Variants in BPTF observed in about 807,000 individuals in gnomAD.
BPTF encodes bromodomain PHD finger transcription factor.
Under a neutral mutation model 292.5 loss-of-function variants are expected in BPTF, and 18 were observed. The ratio of observed to expected loss-of-function variants is 0.06; its 90% CI spans 0.04 to 0.09. The LOEUF is 0.09. Among genes scored for constraint, BPTF ranks in the 10% least tolerant of loss-of-function variants. The pLI is 1.00. For synonymous variants in BPTF, 1,225 were observed against 1,251.9 expected (o/e 0.98, Z 0.45); for missense variants, 2,726 against 3,498.7 (o/e 0.78, Z 5.57).
At chr17:67,976,697 AAAAAAAAAAAAAAAAAAAT>A (rs1178388992) in intron 27 of BPTF, among the ~76,000 whole-genome samples, 1 of 128,388 alleles carries the variant, frequency 7.8e-6, no homozygotes, top group Non-Finnish European at 1.6e-5. Flanking sequence ...AAAAAAAAAA[AAAAAAAAAAAAAAAAAAAT>A]AAGAATAAAA....
At chr17:67,889,045 A>G (rs1017881017) in intron 4 of BPTF, among the ~76,000 whole-genome samples, 27 of 152,170 alleles carry the variant, frequency 1.8e-4, no homozygotes, top group African/African-American at 5.1e-4. Flanking sequence ...TAGTAGGCCA[A>G]TAGTCCTAGT....
chr17:67,828,097 A>T (rs1157995544), intron 1 of BPTF, among the ~76,000 whole-genome samples: 1 of 151,830 alleles, frequency 6.6e-6, no homozygotes, highest in East Asian at 1.9e-4. Context: ...ACACCCGGCT[A>T]ATTTTTGTAT....
chr17:67,911,811 G>T lies in BPTF; in HGVS notation c.3927G>T (p.Gln1309His). 1 of 1,614,158 alleles carries T rather than the reference G, an allele frequency of 6.2e-7. No individual in the cohort carries two copies. The highest frequency in any genetic ancestry group is 1.1e-5 in the South Asian group (1 of 91,074). The change falls in exon 11 of 28, where the codon CAG (glutamine) becomes CAT (histidine). Residue 1309 changes from glutamine (Q) to histidine (H), a missense_variant. Physicochemically the swap from Gln to His is conservative, Grantham distance 24. This residue lies in a region of BPTF where 713 missense variants were observed against 714.9 expected (regional missense o/e 1.00). Transcript: ENST00000306378. ...QDSSEEDMIV[Q>H]NSNESISEQF... ...GCAGTGAAGAAGATATGATTGTTCAGAATAGCAATGAAAGCATTTCTGAAC... is the reference window on the plus strand; with the variant it reads ...GCAGTGAAGAAGATATGATTGTTCATAATAGCAATGAAAGCATTTCTGAAC...
At position 67,959,741 on chromosome 17, in the gene BPTF, G is replaced by A. The variant is rs782136149; in HGVS notation, c.8127G>A (p.Gln2709=). 4 of 1,610,370 alleles carry A rather than the reference G, an allele frequency of 2.5e-6. No homozygotes were observed. In the East Asian group the frequency reaches 8.9e-5, roughly 36 times the overall value. The change falls in exon 24 of 28, where the codon CAG becomes CAA. Residue 2709 remains glutamine, a synonymous_variant. Transcript: ENST00000306378. ...CGCCCACCTTACCTGCTGCTTCCCA[G>A]AAGAGGAAGCGGGAAGAGGAAAAAG... ...LSTPTLPAAS[Q]KRKREEEKDS... is the part of the protein sequence containing the mutation.
Position 67,850,891 on chromosome 17 carries a change from GAC to G in BPTF, c.614-3039_614-3038del, listed in dbSNP as rs546815459. Among the ~76,000 whole-genome samples, 30 of 152,242 alleles carry G rather than the reference GAC, an allele frequency of 2.0e-4. No individual in the cohort carries two copies. The East Asian group carries it at 5.8e-3, about 29-fold the overall frequency. On this transcript the variant is annotated intron_variant, in intron 1 of 27. Transcript: ENST00000306378. ...GGAAACATGCTAGGGGAGAAGAAAA[GAC>G]ACACACACAATACCTTTAAGGGTAA...
At chr17:67,921,304 C>G (rs1442483540) in intron 13 of BPTF, among the ~76,000 whole-genome samples, 3 of 150,750 alleles carry the variant, frequency 2.0e-5, no homozygotes, top group Non-Finnish European at 4.4e-5. Context: ...GCGGGCAGAT[C>G]ACTTGAGATC....
intron 1 of BPTF, among the ~76,000 whole-genome samples, chr17:67,842,383 A>G (rs1411612569): frequency 1.3e-5 from 2 of 152,150 alleles, no homozygotes; most frequent in Non-Finnish European, 2.9e-5. Flanking sequence ...TACATGTGAT[A>G]GTCCTCAGCA....
intron 26 of BPTF, among the ~76,000 whole-genome samples, 183 bp downstream of exon 26, chr17:67,966,839 C>T (rs1278766966): frequency 3.3e-5 from 5 of 152,178 alleles, no homozygotes; most frequent in East Asian, 1.9e-4. Context: ...CGGTGGCTCA[C>T]GCCTGTAATC....
intron 26 of BPTF, 115 bp from the exon 27 acceptor site, chr17:67,975,657 C>T: frequency 1.2e-6 from 1 of 858,960 alleles, no homozygotes; most frequent in Non-Finnish European, 1.7e-6. Flanking sequence ...GGTGAACCAG[C>T]CTGGCTCCAG....
At chr17:67,862,813 C>CTTTT (rs11325305) in intron 2 of BPTF, among the ~76,000 whole-genome samples, 1 of 129,788 alleles carries the variant, frequency 7.7e-6, no homozygotes, top group Admixed American at 7.8e-5. Context: ...AAAATCCTTG[C>CTTTT]TTTTTTTTTT....
intron 13 of BPTF, among the ~76,000 whole-genome samples, chr17:67,922,605 G>A (rs2063529681): frequency 6.6e-6 from 1 of 152,092 alleles, no homozygotes; most frequent in South Asian, 2.1e-4. Flanking sequence ...CAGCCCATGA[G>A]CCTTGGCCTA....
At chr17:67,842,379 T>C (rs1335317556) in intron 1 of BPTF, among the ~76,000 whole-genome samples, 1 of 152,190 alleles carries the variant, frequency 6.6e-6, no homozygotes, top group Admixed American at 6.5e-5. Flanking sequence ...CTCTTACATG[T>C]GATAGTCCTC....
At chr17:67,933,234 G>T (rs2064569857) in intron 18 of BPTF, among the ~76,000 whole-genome samples, 1 of 151,328 alleles carries the variant, frequency 6.6e-6, no homozygotes, top group South Asian at 2.1e-4. Flanking sequence ...CTCCAGCCTG[G>T]GCAAAAAGAG....
intron 22 of BPTF, 112 bp from the exon 23 acceptor site, chr17:67,947,968 GT>G: frequency 7.8e-7 from 1 of 1,283,134 alleles, no homozygotes; most frequent in Non-Finnish European, 1.1e-6. Context: ...CACTCTTGAC[GT>G]TTTCCAGTCA....
intron 3 of BPTF, among the ~76,000 whole-genome samples, chr17:67,869,142 G>A (rs1229682263): frequency 6.6e-6 from 1 of 152,002 alleles, no homozygotes; most frequent in Non-Finnish European, 1.5e-5. Context: ...ATGAATCATG[G>A]CATTAAAATA....
intron 26 of BPTF, among the ~76,000 whole-genome samples, chr17:67,967,276 G>A (rs1372432713): frequency 2.0e-5 from 3 of 149,602 alleles, no homozygotes; most frequent in African/African-American, 4.9e-5. Context: ...CGAGTAGCTG[G>A]GACTACAGGC....
At chr17:67,847,786 A>G (rs1182169608) in intron 1 of BPTF, among the ~76,000 whole-genome samples, 3 of 152,198 alleles carry the variant, frequency 2.0e-5, no homozygotes, top group Non-Finnish European at 4.4e-5. Flanking sequence ...ATGTACTGGA[A>G]GAGCATAACC....
At chr17:67,905,008 C>G (rs1459623226) in intron 9 of BPTF, among the ~76,000 whole-genome samples, 168 bp downstream of exon 9, 1 of 152,116 alleles carries the variant, frequency 6.6e-6, no homozygotes, top group East Asian at 1.9e-4. Flanking sequence ...TAAAAATTAC[C>G]TTTATTCACA....
intron 21 of BPTF, 65 bp from the exon 22 acceptor site, chr17:67,947,661 G>T: frequency 8.2e-7 from 1 of 1,219,606 alleles, no homozygotes; most frequent in South Asian, 1.5e-5. Context: ...TTCTACTGTT[G>T]TTATCTGTGT....
Sources: allele counts gnomAD v4.1 joint callset (sites outside exome capture counted in the v4.1 genomes callset), GRCh38; gene constraint gnomAD v4.1.1; regional missense constraint gnomAD v4.1.1; transcripts MANE v1.5; gene names NCBI Gene and HGNC (gene_info 2026-07-23, HGNC 2026-07-21).